ARID5B: variants seen among roughly 807,000 people sequenced by gnomAD.
ARID5B encodes AT-rich interaction domain 5B, also known as AT-rich interactive domain-containing protein 5B.
In ARID5B, 13 loss-of-function variants were observed where a neutral mutation model predicts 97.2. The observed-to-expected ratio is 0.13, with a 90% CI of 0.09 to 0.21. The LOEUF (loss-of-function observed/expected upper bound fraction) is 0.21. Among genes scored for constraint, ARID5B ranks in the 10% least tolerant of loss-of-function variants. The pLI is 1.00. For synonymous variants in ARID5B, 556 were observed against 570.3 expected (o/e 0.97, Z 0.36); for missense variants, 1,210 against 1,465.3 (o/e 0.83, Z 2.84).
chr10:62,087,095 C>G lies in ARID5B; in HGVS notation c.1398+1195C>G, dbSNP rs1415565006. On this transcript the variant is annotated intron_variant, in intron 9 of 9. Transcript: ENST00000279873. ...GCGGTGGATCACGAGGTCAGGAGATCGAGAGCATCCTGGCTAATACGGTAA... is the reference window on the plus strand; with the variant it reads ...GCGGTGGATCACGAGGTCAGGAGATGGAGAGCATCCTGGCTAATACGGTAA... Among the ~76,000 whole-genome samples, 3 of 151,682 alleles carry G rather than the reference C, an allele frequency of 2.0e-5. No individual in the cohort carries two copies. The East Asian group carries it at 5.9e-4, about 30-fold the overall frequency.
chr10:61,960,589 G>A (rs1179081026), intron 3 of ARID5B, among the ~76,000 whole-genome samples: 1 of 151,404 alleles, frequency 6.6e-6, no homozygotes, highest in African/African-American at 2.4e-5. Context: ...TCTGCATATT[G>A]TTTTTGGCCA....
intron 4 of ARID5B, among the ~76,000 whole-genome samples, chr10:62,006,607 A>T (rs1452805435): frequency 6.6e-6 from 1 of 152,178 alleles, no homozygotes; most frequent in African/African-American, 2.4e-5. Flanking sequence ...GGTGTAATGG[A>T]TGTGCTCCGT....
intron 3 of ARID5B, among the ~76,000 whole-genome samples, chr10:61,970,517 T>C (rs1838610674): frequency 6.6e-6 from 1 of 152,342 alleles, no homozygotes; most frequent in African/African-American, 2.4e-5. Context: ...TGTAATTTCA[T>C]GCCTGAGAAT....
intron 4 of ARID5B, among the ~76,000 whole-genome samples, chr10:62,025,811 GAAAA>G (rs750842683): frequency 3.4e-5 from 2 of 59,618 alleles, no homozygotes; most frequent in Non-Finnish European, 7.2e-5. Context: ...GAGTGGAAGC[GAAAA>G]AAAAAAAAAA....
intron 3 of ARID5B, among the ~76,000 whole-genome samples, chr10:61,942,671 A>G (rs543006001): frequency 4.6e-5 from 7 of 152,280 alleles, no homozygotes; most frequent in African/African-American, 1.4e-4. Flanking sequence ...AGGGGCCTGT[A>G]ATCTCAGCTA....
chr10:61,935,887 G>C (rs1338433199), intron 2 of ARID5B, among the ~76,000 whole-genome samples: 1 of 152,132 alleles, frequency 6.6e-6, no homozygotes, highest in Non-Finnish European at 1.5e-5. Context: ...TTTATATAGA[G>C]AGCGGAGTTC....
chr10:62,044,651 C>T (rs539968188), intron 4 of ARID5B, among the ~76,000 whole-genome samples: 9 of 152,310 alleles, frequency 5.9e-5, no homozygotes, highest in African/African-American at 2.2e-4. Context: ...AGTCATGAGC[C>T]ACCACCAGGG....
chr10:61,965,944 A>C (rs1403709991), intron 3 of ARID5B, among the ~76,000 whole-genome samples: 1 of 152,174 alleles, frequency 6.6e-6, no homozygotes, highest in African/African-American at 2.4e-5. Context: ...CATCACTTTC[A>C]TTTTTCACCA....
rs183840289 is a variant in ARID5B at position 62,061,869 on chromosome 10, G to T, written c.1101+2574G>T. Among the ~76,000 whole-genome samples the T allele has an allele frequency of 2.0e-5, 3 of 152,268 alleles. No individual in the cohort carries two copies. The East Asian group carries it at 5.8e-4, about 29-fold the overall frequency. ...ATTCTGATCCCCTTCACTGGGGCTG[G>T]GGAATATGGAGGATCAAATTGGCAT... On this transcript the variant is annotated intron_variant, in intron 7 of 9. Coordinates refer to ENST00000279873, the MANE Select transcript of ARID5B (RefSeq NM_032199.3).
chr10:62,017,069 C>T (rs910883332), intron 4 of ARID5B, among the ~76,000 whole-genome samples: 4 of 152,204 alleles, frequency 2.6e-5, no homozygotes, highest in South Asian at 4.1e-4. Context: ...CAGGACACCA[C>T]GTAAGGGGAA....
At chr10:62,011,549 G>A (rs1839217843) in intron 4 of ARID5B, among the ~76,000 whole-genome samples, 1 of 152,164 alleles carries the variant, frequency 6.6e-6, no homozygotes, top group South Asian at 2.1e-4. Flanking sequence ...CTGAGGAGGT[G>A]GCCTCAGAGA....
At chr10:62,079,829 C>T (rs1229640871) in intron 8 of ARID5B, among the ~76,000 whole-genome samples, 1 of 152,184 alleles carries the variant, frequency 6.6e-6, no homozygotes, top group Non-Finnish European at 1.5e-5. Context: ...ATCTGCTGCC[C>T]ATTGAGTAGG....
At chr10:62,025,914 G>A (rs1031140249) in intron 4 of ARID5B, among the ~76,000 whole-genome samples, 2 of 151,976 alleles carry the variant, frequency 1.3e-5, no homozygotes, top group African/African-American at 2.4e-5. Context: ...CTTTCACTGA[G>A]TGGAAGTTCA....
intron 4 of ARID5B, among the ~76,000 whole-genome samples, chr10:62,042,954 C>CA (rs1411514160): frequency 7.5e-5 from 11 of 147,588 alleles, no homozygotes; most frequent in Non-Finnish European, 4.5e-5. Flanking sequence ...AATTCCAAGA[C>CA]AAAGGATTCT....
intron 3 of ARID5B, among the ~76,000 whole-genome samples, chr10:61,963,368 T>TC (rs1564614440): frequency 2.0e-5 from 3 of 152,090 alleles, no homozygotes; most frequent in Admixed American, 6.6e-5. Flanking sequence ...GGACTTTGTT[T>TC]CCCTACCTGT....
chr10:62,027,285 C>CTTTTTTTTTTTTTTTTTTTTT (rs777291593), intron 4 of ARID5B, among the ~76,000 whole-genome samples: 1 of 67,406 alleles, frequency 1.5e-5, no homozygotes, highest in African/African-American at 5.7e-5. Flanking sequence ...ACAGTATCTC[C>CTTTTTTTTTTTTTTTTTTTTT]TTTTTTTTTT....
rs368575697 is a variant in ARID5B at position 62,050,925 on chromosome 10, A to G, written c.771A>G (p.Pro257=). The part of the protein sequence containing the change: ...NLKGRPRKKK[P]CPQRRDSFSG... ...AAGGCAGACCACGCAAAAAGAAACC[A>G]TGCCCACAAAGAAGAGATTCATTCA... The change falls in exon 5 of 10, where the codon CCA becomes CCG. Residue 257 remains proline (P), a synonymous_variant. Transcript: ENST00000279873. The G allele has an allele frequency of 9.5e-5, 154 of 1,614,088 alleles. No individual in the cohort carries two copies. Among genetic ancestry groups the G allele is most frequent in the Admixed American group, 2.5e-4 (15 of 60,014 alleles).
intron 8 of ARID5B, among the ~76,000 whole-genome samples, chr10:62,082,343 C>G (rs1436973214): frequency 6.6e-6 from 1 of 152,152 alleles, no homozygotes; most frequent in Non-Finnish European, 1.5e-5. Flanking sequence ...AGATGTAGAT[C>G]AGGAAGGGGA....
At chr10:62,054,549 C>G (rs1194905157) in intron 5 of ARID5B, among the ~76,000 whole-genome samples, 1 of 152,190 alleles carries the variant, frequency 6.6e-6, no homozygotes, top group Non-Finnish European at 1.5e-5. Context: ...CATTTGGAGC[C>G]TTTGCTATGT....
Sources: allele counts gnomAD v4.1 joint callset (sites outside exome capture counted in the v4.1 genomes callset), GRCh38; gene constraint gnomAD v4.1.1; transcripts MANE v1.5; gene names NCBI Gene and HGNC (gene_info 2026-07-23, HGNC 2026-07-21).